ADGRL3: variants seen among roughly 807,000 people sequenced by gnomAD.
ADGRL3 encodes the protein calcium-independent alpha-latrotoxin receptor 3.
A neutral mutation model predicts 153.5 loss-of-function variants in ADGRL3; 62 were observed. That is an observed-to-expected ratio of 0.40 (90% CI 0.33 to 0.50). The LOEUF is 0.50. Ranked by LOEUF, ADGRL3 falls within the 20% of genes least tolerant of loss-of-function variation. The pLI is 0.47. For missense variants in ADGRL3, 1,641 were observed against 1,859.4 expected (o/e 0.88, Z 2.16); for synonymous variants, 710 against 672.5 (o/e 1.06, Z -0.86).
chr4:61,775,738 G>C, intron 8 of ADGRL3: 1 of 990,594 alleles, frequency 1.0e-6, no homozygotes, highest in Non-Finnish European at 1.6e-6. Context: ...GCCTTTGGTA[G>C]CTTCATGAAT....
At chr4:61,315,666 A>G (rs1421443252) in intron 1 of ADGRL3, among the ~76,000 whole-genome samples, 1 of 152,176 alleles carries the variant, frequency 6.6e-6, no homozygotes, top group African/African-American at 2.4e-5. Flanking sequence ...GAAACCATGA[A>G]AGAAAGGAGT....
At chr4:61,400,046 CAT>C (rs1307281543) in intron 2 of ADGRL3, among the ~76,000 whole-genome samples, 1 of 151,688 alleles carries the variant, frequency 6.6e-6, no homozygotes, top group Non-Finnish European at 1.5e-5. Flanking sequence ...AGCAAGAGAG[CAT>C]ATATTTCCTT....
chr4:61,738,755 C>G (rs368381257), intron 8 of ADGRL3, among the ~76,000 whole-genome samples: 2 of 152,150 alleles, frequency 1.3e-5, no homozygotes, highest in East Asian at 3.9e-4. Context: ...CATTATTTTT[C>G]AGAAGAAATG....
At chr4:61,319,860 A>G (rs2095317024) in intron 1 of ADGRL3, among the ~76,000 whole-genome samples, 1 of 152,130 alleles carries the variant, frequency 6.6e-6, no homozygotes. Context: ...TATGTGCATG[A>G]GCTTTGAAAA....
In ADGRL3 at chr4:61,847,765, ATATATATATAATACAAAATATAT is replaced by A. The variant is rs2098139649; in HGVS notation, c.1480+33890_1480+33912del. Among the ~76,000 whole-genome samples, 4 of 34,114 alleles carry A rather than the reference ATATATATATAATACAAAATATAT, an allele frequency of 1.2e-4. 1 individual carries two copies. The highest frequency in any genetic ancestry group is 1.1e-3 in the Admixed American group (2 of 1,822). The allele number at this position is 34,114 out of a possible 152,430, so 22.4% of individuals were successfully genotyped here. ...CAAAATATATTATATATAATACAAA[ATATATATATAATACAAAATATAT>A]TATATATATAATATAAAATATATTA... is the stretch of plus-strand genomic sequence containing the variant. On this transcript the variant is annotated intron_variant, in intron 9 of 26. Transcript: ENST00000683033.
intron 2 of ADGRL3, among the ~76,000 whole-genome samples, chr4:61,450,058 A>G (rs1204509389): frequency 1.3e-5 from 2 of 152,196 alleles, no homozygotes; most frequent in Non-Finnish European, 2.9e-5. Flanking sequence ...TTAGAATAGT[A>G]AGGGCTGAAA....
intron 8 of ADGRL3, among the ~76,000 whole-genome samples, chr4:61,763,811 A>C (rs2096941047): frequency 6.6e-6 from 1 of 152,130 alleles, no homozygotes; most frequent in African/African-American, 2.4e-5. Context: ...TTTTTTAGAA[A>C]CTGAATTTAG....
chr4:61,300,144 ATATAT>A (rs1328392975), intron 1 of ADGRL3, among the ~76,000 whole-genome samples: 2 of 152,194 alleles, frequency 1.3e-5, no homozygotes, highest in East Asian at 3.9e-4. Flanking sequence ...CTCATTTTTC[ATATAT>A]AATGCCAGTA....
chr4:61,376,468 T>C (rs776938807), intron 1 of ADGRL3, among the ~76,000 whole-genome samples: 2 of 152,032 alleles, frequency 1.3e-5, no homozygotes, highest in Non-Finnish European at 2.9e-5. Context: ...GCTGAGGAAA[T>C]ATCTTCCTGG....
At chr4:62,025,224 A>G (rs928903896) in intron 21 of ADGRL3, among the ~76,000 whole-genome samples, 4 of 152,098 alleles carry the variant, frequency 2.6e-5, no homozygotes, top group Non-Finnish European at 5.9e-5. Flanking sequence ...ACTTACTGCT[A>G]TTTTAGATAT....
At position 61,417,981 on chromosome 4, in the gene ADGRL3, C is replaced by T. The variant is rs576588400; in HGVS notation, c.-174+34792C>T. The stretch of plus-strand genomic sequence containing the variant: ...TGGGGATTGAGATTGGTCTAAATTG[C>T]TTAAATACTGGACAAGGGGAGGAGA... On this transcript the variant is annotated intron_variant, in intron 2 of 26. Coordinates refer to ENST00000683033, the MANE Select transcript of ADGRL3 (RefSeq NM_001387552.1). 1.1e-4 allele frequency among the ~76,000 whole-genome samples: 16 copies of T among 152,178 alleles called. 1 individual carries two copies. In the South Asian group the frequency reaches 3.3e-3, roughly 32 times the overall value.
intron 17 of ADGRL3, among the ~76,000 whole-genome samples, chr4:61,955,692 C>G (rs1035826636): frequency 1.3e-5 from 2 of 152,092 alleles, no homozygotes; most frequent in Admixed American, 6.5e-5. Flanking sequence ...CCTCACCCCC[C>G]AATCCCACAA....
intron 2 of ADGRL3, among the ~76,000 whole-genome samples, chr4:61,395,493 T>C (rs762388431): frequency 5.3e-5 from 8 of 151,956 alleles, no homozygotes; most frequent in Non-Finnish European, 8.8e-5. Context: ...ACAAAACTTA[T>C]ACAGATAATT....
chr4:61,517,597 G>C (rs335312), intron 4 of ADGRL3, 79 bp downstream of exon 4: 507,602 of 679,574 alleles, frequency 0.75, 191,540 homozygotes, highest in East Asian at 0.94. Context: ...GGAAATGCCC[G>C]AAATGTGTCT....
chr4:61,580,475 T>G (rs558154638), intron 4 of ADGRL3, among the ~76,000 whole-genome samples: 7 of 152,230 alleles, frequency 4.6e-5, no homozygotes, highest in African/African-American at 1.4e-4. Flanking sequence ...ATCTAACAGT[T>G]TCAGTGTCAA....
intron 4 of ADGRL3, among the ~76,000 whole-genome samples, chr4:61,551,311 G>A (rs565697333): frequency 6.6e-6 from 1 of 152,160 alleles, no homozygotes; most frequent in South Asian, 2.1e-4. Flanking sequence ...TGTAGTCAGT[G>A]AAAAAGAAAT....
chr4:61,847,884 ATATAAAATATATTATATAT>A, intron 9 of ADGRL3, among the ~76,000 whole-genome samples: 1 of 23,190 alleles, frequency 4.3e-5, no homozygotes, highest in African/African-American at 1.1e-4. Flanking sequence ...ATTATATATA[ATATAAAATATATTATATAT>A]AATATAAAAT....
At chr4:61,703,348 C>T (rs2095801378) in intron 6 of ADGRL3, among the ~76,000 whole-genome samples, 1 of 152,012 alleles carries the variant, frequency 6.6e-6, no homozygotes, top group Non-Finnish European at 1.5e-5. Flanking sequence ...GATCCATTTA[C>T]AATCCTCCTG....
At chr4:61,606,054 C>G (rs554142449) in intron 5 of ADGRL3, among the ~76,000 whole-genome samples, 3 of 152,210 alleles carry the variant, frequency 2.0e-5, no homozygotes, top group African/African-American at 7.2e-5. Context: ...GGAAGGGCTC[C>G]TAATGCAGCC....
Sources: allele counts gnomAD v4.1 joint callset (sites outside exome capture counted in the v4.1 genomes callset), GRCh38; gene constraint gnomAD v4.1.1; transcripts MANE v1.5; gene names NCBI Gene and HGNC (gene_info 2026-07-23, HGNC 2026-07-21).